Variants in NAV2 observed in about 807,000 individuals in gnomAD.
The protein encoded by NAV2 is neuron navigator 2.
NAV2 carries 54 observed loss-of-function variants against 223.2 expected under a neutral mutation model. The observed-to-expected ratio is 0.24, with a 90% CI of 0.19 to 0.30. NAV2 has a LOEUF of 0.30. NAV2 is among the 10% of genes least tolerant of loss of function. The probability of loss-of-function intolerance (pLI) is 1.00; values close to 1 mark genes in which losing one functional copy is unlikely to be tolerated. For synonymous variants in NAV2, 1,279 were observed against 1,239.3 expected (o/e 1.03, Z -0.67); for missense variants, 2,806 against 3,147.5 (o/e 0.89, Z 2.60).
intron 1 of NAV2, among the ~76,000 whole-genome samples, chr11:19,501,734 A>T (rs1479572735): frequency 6.6e-6 from 1 of 151,670 alleles, no homozygotes; most frequent in Non-Finnish European, 1.5e-5. Flanking sequence ...GATTTATTTT[A>T]TGGTAGGGTA....
At chr11:19,621,220 CTCT>C (rs1444790646) in intron 1 of NAV2, among the ~76,000 whole-genome samples, 12 of 152,114 alleles carry the variant, frequency 7.9e-5, no homozygotes, top group Admixed American at 6.6e-5. Context: ...GTCTAAAATT[CTCT>C]TTTTTTGTTG....
chr11:19,658,454 TA>T lies in NAV2; in HGVS notation c.76-174026del, dbSNP rs1331718327. ...TCACACAGCTGGAAGGCAGGGGAAC[TA>T]AAATGCTGACGGGGTCTTTGCATGG... On this transcript the variant is annotated intron_variant, in intron 1 of 37. Coordinates refer to the NAV2 transcript ENST00000360655. Among the ~76,000 whole-genome samples, 43 of 152,304 alleles carry T rather than the reference TA, an allele frequency of 2.8e-4. 1 individual carries two copies. The highest frequency in any genetic ancestry group is 2.6e-3 in the Admixed American group (40 of 15,286).
At chr11:19,861,053 G>T (rs1205476772) in intron 3 of NAV2, among the ~76,000 whole-genome samples, 1 of 147,202 alleles carries the variant, frequency 6.8e-6, no homozygotes, top group Admixed American at 6.8e-5. Flanking sequence ...AGGGGGAGGG[G>T]GAGGGGGAAA....
chr11:19,634,491 T>A (rs989662736), intron 1 of NAV2, among the ~76,000 whole-genome samples: 9 of 152,086 alleles, frequency 5.9e-5, no homozygotes, highest in Non-Finnish European at 1.0e-4. Context: ...AACCTAAAAG[T>A]TTTTTTTAAT....
intron 11 of NAV2, among the ~76,000 whole-genome samples, chr11:20,033,880 A>G (rs1335948294): frequency 6.6e-6 from 1 of 152,198 alleles, no homozygotes; most frequent in Non-Finnish European, 1.5e-5. Flanking sequence ...AGCATTTCCC[A>G]GGTTCCACGC....
chr11:19,757,677 C>G (rs565162001), intron 1 of NAV2, among the ~76,000 whole-genome samples: 2 of 152,200 alleles, frequency 1.3e-5, no homozygotes, highest in Admixed American at 1.3e-4. Flanking sequence ...CATGAATAGC[C>G]CTGTATCTGG....
At chr11:19,466,872 T>C (rs750104473) in intron 1 of NAV2, among the ~76,000 whole-genome samples, 14 of 151,962 alleles carry the variant, frequency 9.2e-5, no homozygotes, top group Non-Finnish European at 1.6e-4. Flanking sequence ...TCACTACGAG[T>C]CTTGCTACAA....
At chr11:19,404,792 A>G (rs1422284490) in intron 1 of NAV2, among the ~76,000 whole-genome samples, 3 of 152,200 alleles carry the variant, frequency 2.0e-5, no homozygotes, top group Admixed American at 6.5e-5. Context: ...TTTCCTTCCA[A>G]TGAATTCATG....
At chr11:19,385,884 C>T (rs1325687292) in intron 1 of NAV2, among the ~76,000 whole-genome samples, 1 of 151,692 alleles carries the variant, frequency 6.6e-6, no homozygotes, top group East Asian at 2.0e-4. Context: ...GCCTCAGCCT[C>T]CCGAGTAGCT....
Position 19,718,730 on chromosome 11 carries a change from G to A in NAV2, c.267+4768G>A, listed in dbSNP as rs80167118. On this transcript the variant is annotated intron_variant, in intron 1 of 37. Coordinates refer to ENST00000349880, the MANE Select transcript of NAV2 (RefSeq NM_145117.5). ...TTCACATATTATTGCTTACTCCATG[G>A]GTTAATTTTCTAAAGACACTTTAAG... Among the ~76,000 whole-genome samples the A allele has an allele frequency of 4.0e-3, 615 of 152,048 alleles. 27 individuals carry two copies. In the East Asian group the frequency reaches 0.078, roughly 19 times the overall value.
At chr11:19,686,308 C>T (rs2049022775) in intron 1 of NAV2, among the ~76,000 whole-genome samples, 1 of 152,202 alleles carries the variant, frequency 6.6e-6, no homozygotes, top group Non-Finnish European at 1.5e-5. Context: ...CTCCATCCCT[C>T]CCCCTCCCAG....
intron 1 of NAV2, among the ~76,000 whole-genome samples, chr11:19,649,224 G>A (rs1399887667): frequency 6.6e-6 from 1 of 152,148 alleles, no homozygotes; most frequent in Non-Finnish European, 1.5e-5. Context: ...AAGGGATATA[G>A]AACAGTGCAA....
At chr11:19,596,188 G>T (rs957778392) in intron 1 of NAV2, among the ~76,000 whole-genome samples, 1 of 152,192 alleles carries the variant, frequency 6.6e-6, no homozygotes. Context: ...AATGATATGG[G>T]GTAGGTGCCC....
intron 1 of NAV2, among the ~76,000 whole-genome samples, chr11:19,352,179 ATT>A (rs1360360619): frequency 6.6e-6 from 1 of 152,100 alleles, no homozygotes; most frequent in Non-Finnish European, 1.5e-5. Context: ...GATAAGTGGG[ATT>A]TGTTTTGTGG....
rs202145449 is a variant in NAV2, at chr11:19,713,776, G to T, written c.81G>T (p.Val27=). 1.9e-5 allele frequency: 30 copies of T among 1,612,780 alleles called. No individual in the cohort carries two copies. The African/African-American group carries it at 3.6e-4, about 19-fold the overall frequency. The change falls in exon 1 of 38, where the codon GTG becomes GTT. Residue 27 remains valine (V), a synonymous_variant. Coordinates refer to ENST00000349880, the MANE Select transcript of NAV2 (RefSeq NM_145117.5). This position sits in a 1 kb window ranked among gnomAD's most constrained non-coding sequence, Gnocchi z 7.2. The part of the protein sequence containing the change: ...PVHSAAPILH[V]PPARAGPQPC... ...ACAGCGCCGCGCCCATCCTGCACGT[G>T]CCCCCGGCCCGGGCGGGCCCCCAGC...
At chr11:19,583,377 C>G (rs374231179) in intron 1 of NAV2, among the ~76,000 whole-genome samples, 1 of 152,176 alleles carries the variant, frequency 6.6e-6, no homozygotes, top group East Asian at 1.9e-4. Context: ...ATTTCCTTCT[C>G]CTGCCTGATT....
In NAV2 at chr11:20,048,796, T is replaced by A; in HGVS notation, c.3971T>A (p.Val1324Asp). Residue 1324 changes from valine to aspartate, a missense_variant, in exon 15 of 38, where the codon GTC (valine) becomes GAC (aspartate). By Grantham distance (152) the Val-to-Asp change is radical. This residue lies in a region of NAV2 where 742 missense variants were observed against 777.9 expected (regional missense o/e 0.95). Coordinates refer to ENST00000349880, the MANE Select transcript of NAV2 (RefSeq NM_145117.5). ...GCTGAAAACATGAAAAATTCGGTGGTCATCTCCAATCCTCATGCCACCATG... is the reference window on the plus strand; with the variant it reads ...GCTGAAAACATGAAAAATTCGGTGGACATCTCCAATCCTCATGCCACCATG... Reference protein sequence around the residue: ...ATAENMKNSVVISNPHATMTQ... With the variant: ...ATAENMKNSVDISNPHATMTQ... The A allele has an allele frequency of 6.2e-7, 1 of 1,614,108 alleles. No individual in the cohort carries two copies. The highest frequency in any genetic ancestry group is 8.5e-7 in the Non-Finnish European group (1 of 1,180,020).
intron 1 of NAV2, among the ~76,000 whole-genome samples, chr11:19,778,823 A>T (rs1010798669): frequency 6.6e-6 from 1 of 152,224 alleles, no homozygotes; most frequent in Non-Finnish European, 1.5e-5. Flanking sequence ...GGTGTGGAAG[A>T]GGCCAGAGTT....
chr11:19,583,197 A>G (rs370470431), intron 1 of NAV2, among the ~76,000 whole-genome samples: 3 of 152,164 alleles, frequency 2.0e-5, no homozygotes, highest in Non-Finnish European at 2.9e-5. Flanking sequence ...TTGGTGTATA[A>G]GAATGCTTGT....
Sources: allele counts gnomAD v4.1 joint callset (sites outside exome capture counted in the v4.1 genomes callset), GRCh38; gene constraint gnomAD v4.1.1; regional missense constraint gnomAD v4.1.1; non-coding constraint Gnocchi (gnomAD v3.1); transcripts MANE v1.5; gene names NCBI Gene and HGNC (gene_info 2026-07-23, HGNC 2026-07-21).